The following CNTNAP4 variants were observed in gnomAD, a reference collection of about 807,000 sequenced individuals.
The protein encoded by CNTNAP4 is contactin-associated protein-like 4.
A neutral mutation model predicts 148.4 loss-of-function variants in CNTNAP4; 98 were observed. The ratio of observed to expected loss-of-function variants is 0.66; its 90% CI spans 0.56 to 0.78. CNTNAP4 has a LOEUF of 0.78. Among genes scored for constraint, CNTNAP4 ranks in the 30% least tolerant of loss-of-function variants. CNTNAP4 has a pLI of 0.00. For synonymous variants in CNTNAP4, 730 were observed against 565.1 expected, an observed-to-expected ratio of 1.29 and a Z score of -4.14; for missense variants, 1,935 against 1,565.6, an observed-to-expected ratio of 1.24 and a Z score of -3.98.
intron 1 of CNTNAP4, among the ~76,000 whole-genome samples, chr16:76,305,453 T>A (rs1419633257): frequency 6.6e-6 from 1 of 152,188 alleles, no homozygotes; most frequent in African/African-American, 2.4e-5. Flanking sequence ...TATTTCATTG[T>A]TTTTTCTAAG....
At chr16:76,430,114 C>T (rs1216796604) in intron 4 of CNTNAP4, among the ~76,000 whole-genome samples, 1 of 152,118 alleles carries the variant, frequency 6.6e-6, no homozygotes, top group Non-Finnish European at 1.5e-5. Flanking sequence ...TAGTCATGCT[C>T]ACATTTTCCA....
chr16:76,334,542 C>G (rs1246670326), intron 2 of CNTNAP4, among the ~76,000 whole-genome samples: 1 of 152,158 alleles, frequency 6.6e-6, no homozygotes, highest in Admixed American at 6.5e-5. Flanking sequence ...TACAGTTAAA[C>G]TTTTCTAGAT....
chr16:76,404,055 T>C (rs538377527), intron 3 of CNTNAP4, among the ~76,000 whole-genome samples: 94 of 151,246 alleles, frequency 6.2e-4, no homozygotes, highest in African/African-American at 2.1e-3. Flanking sequence ...GAGTGGAGGG[T>C]GGGAAGATGG....
At chr16:76,404,649 A>C (rs1160713971) in intron 3 of CNTNAP4, among the ~76,000 whole-genome samples, 1 of 152,196 alleles carries the variant, frequency 6.6e-6, no homozygotes, top group African/African-American at 2.4e-5. Context: ...ATCTTTATAT[A>C]AGATTCTGTA....
At chr16:76,367,975 C>A (rs900059421) in intron 3 of CNTNAP4, among the ~76,000 whole-genome samples, 2 of 152,090 alleles carry the variant, frequency 1.3e-5, no homozygotes, top group Non-Finnish European at 2.9e-5. Context: ...ATTCTGGTAC[C>A]TAGGGAGACT....
rs4381628 is a variant in CNTNAP4 at position 76,544,262 on chromosome 16, G to C, written c.3442+3472G>C. On this transcript the variant is annotated intron_variant, in intron 21 of 23. Transcript: ENST00000611870. ...CCTACAATTACAACAAACGACTTAA[G>C]TATATAACTGTCCCATGCTTTTTCA... is the stretch of plus-strand genomic sequence containing the variant. Among the ~76,000 whole-genome samples, 736 of 151,100 alleles carry C rather than the reference G, an allele frequency of 4.9e-3. 21 individuals are homozygous for C. Among genetic ancestry groups the C allele is most frequent in the East Asian group, 0.047 (242 of 5,130 alleles).
At chr16:76,452,285 C>T (rs968190048) in intron 7 of CNTNAP4, among the ~76,000 whole-genome samples, 1 of 152,112 alleles carries the variant, frequency 6.6e-6, no homozygotes, top group African/African-American at 2.4e-5. Flanking sequence ...AGCTTGACTT[C>T]ATTGACTTTT....
intron 3 of CNTNAP4, among the ~76,000 whole-genome samples, chr16:76,410,668 C>G (rs533095928): frequency 6.6e-6 from 1 of 151,704 alleles, no homozygotes; most frequent in East Asian, 1.9e-4. Context: ...AATACTCTCT[C>G]TTTTGACTTT....
chr16:76,334,206 C>T (rs1248292399), intron 2 of CNTNAP4, among the ~76,000 whole-genome samples: 1 of 146,530 alleles, frequency 6.8e-6, no homozygotes, highest in Non-Finnish European at 1.5e-5. Flanking sequence ...TAATAATAAA[C>T]AGCCTATTCT....
chr16:76,326,853 G>A (rs964807954), intron 2 of CNTNAP4, among the ~76,000 whole-genome samples: 46 of 152,072 alleles, frequency 3.0e-4, no homozygotes, highest in African/African-American at 1.1e-3. Context: ...AATGCTAAAT[G>A]ACGAGTTAAT....
intron 3 of CNTNAP4, among the ~76,000 whole-genome samples, chr16:76,412,787 G>A (rs2078843696): frequency 1.3e-5 from 2 of 151,214 alleles, no homozygotes. Context: ...ATTTTTAAAT[G>A]AACAAAGTTC....
At chr16:76,372,450 T>C (rs1187465863) in intron 3 of CNTNAP4, among the ~76,000 whole-genome samples, 6 of 152,146 alleles carry the variant, frequency 3.9e-5, no homozygotes, top group African/African-American at 7.2e-5. Context: ...GCCCTGCTGG[T>C]CCCACCAAAA....
intron 10 of CNTNAP4, among the ~76,000 whole-genome samples, chr16:76,471,350 T>C (rs2081366510): frequency 6.6e-6 from 1 of 152,184 alleles, no homozygotes; most frequent in East Asian, 1.9e-4. Context: ...AAAACACTTA[T>C]TAAAGGAAAT....
intron 8 of CNTNAP4, among the ~76,000 whole-genome samples, chr16:76,459,309 C>T (rs1388252624): frequency 6.6e-6 from 1 of 152,190 alleles, no homozygotes; most frequent in Non-Finnish European, 1.5e-5. Flanking sequence ...GATTACATAA[C>T]TCTATTCAGC....
At chr16:76,302,524 A>C (rs1960082830) in intron 1 of CNTNAP4, among the ~76,000 whole-genome samples, 1 of 152,048 alleles carries the variant, frequency 6.6e-6, no homozygotes, top group Non-Finnish European at 1.5e-5. Flanking sequence ...AATTTCACCC[A>C]TGCTTCTTAT....
In CNTNAP4 at chr16:76,359,534, C is replaced by T. The variant is rs572436129; in HGVS notation, c.390+4023C>T. 5.2e-4 allele frequency among the ~76,000 whole-genome samples: 79 copies of T among 152,140 alleles called. 2 individuals are homozygous for T. The South Asian group carries it at 0.014, about 28-fold the overall frequency. On this transcript the variant is annotated intron_variant, in intron 3 of 23. Coordinates refer to ENST00000611870, the MANE Select transcript of CNTNAP4 (RefSeq NM_033401.5). ...CTCTGCCACTTCTTACAAATAATCC[C>T]TAAGAGGAAAGACAGAATATTTTAC...
chr16:76,419,174 T>C (rs1262149184), intron 3 of CNTNAP4, among the ~76,000 whole-genome samples: 1 of 151,992 alleles, frequency 6.6e-6, no homozygotes, highest in East Asian at 1.9e-4. Flanking sequence ...CCAGCTACTG[T>C]CTTTCCTGGC....
intron 3 of CNTNAP4, among the ~76,000 whole-genome samples, chr16:76,409,429 C>T (rs1262721788): frequency 6.6e-6 from 1 of 151,846 alleles, no homozygotes; most frequent in Non-Finnish European, 1.5e-5. Flanking sequence ...GTTATGTATG[C>T]ACCTTTAAAA....
At chr16:76,553,206 C>G in intron 21 of CNTNAP4, 77 bp from the exon 22 acceptor site, 1 of 819,102 alleles carries the variant, frequency 1.2e-6, no homozygotes, top group Non-Finnish European at 2.0e-6. Context: ...TGCATTAGCT[C>G]AGAATCCTCA....
Sources: gnomAD v4.1 joint callset for allele counts (sites outside exome capture counted in the v4.1 genomes callset) on GRCh38, gnomAD v4.1.1 for gene constraint, MANE v1.5 for transcripts, NCBI Gene and HGNC (gene_info 2026-07-23, HGNC 2026-07-21) for gene names.